CTNNA3: variants seen among roughly 807,000 people sequenced by gnomAD.
CTNNA3 encodes the protein catenin alpha-3.
In CTNNA3, 76 loss-of-function variants were observed where a neutral mutation model predicts 95.7. The observed-to-expected ratio is 0.79, with a 90% confidence interval of 0.66 to 0.96. The LOEUF is 0.96. Ranked by LOEUF, CTNNA3 falls within the 40% of genes least tolerant of loss-of-function variation. The pLI, the probability that CTNNA3 is intolerant of heterozygous loss-of-function variation, is 0.00. For synonymous variants in CTNNA3, 431 were observed against 374.4 expected (o/e 1.15, Z -1.74); for missense variants, 1,191 against 1,089.8 (o/e 1.09, Z -1.31).
At chr10:66,365,473 C>G (rs377459175) in intron 12 of CTNNA3, among the ~76,000 whole-genome samples, 2 of 151,992 alleles carry the variant, frequency 1.3e-5, no homozygotes, top group Non-Finnish European at 2.9e-5. Context: ...CACCAGGGCA[C>G]GCGTATACCT....
intron 5 of CTNNA3, among the ~76,000 whole-genome samples, chr10:67,358,616 C>A (rs1184056070): frequency 6.6e-6 from 1 of 152,048 alleles, no homozygotes; most frequent in Non-Finnish European, 1.5e-5. Flanking sequence ...TACAAGGATA[C>A]CCTGCCCAGG....
chr10:67,150,938 A>G lies in CTNNA3; in HGVS notation c.1047+29379T>C, dbSNP rs1398070564. ...TCCTTTCTTTTAAGTTCATAAATGGATAGTAAGAGGTATGTCCCCACCCTG... is the reference window on the plus strand; with the variant it reads ...TCCTTTCTTTTAAGTTCATAAATGGGTAGTAAGAGGTATGTCCCCACCCTG... On this transcript the variant is annotated intron_variant, in intron 7 of 17. Transcript: ENST00000433211. 3.9e-5 allele frequency among the ~76,000 whole-genome samples: 6 copies of G among 152,164 alleles called. No homozygotes were observed. The East Asian group carries it at 1.2e-3, about 29-fold the overall frequency.
At chr10:67,333,700 A>G (rs1215712615) in intron 5 of CTNNA3, among the ~76,000 whole-genome samples, 1 of 152,178 alleles carries the variant, frequency 6.6e-6, no homozygotes, top group East Asian at 1.9e-4. Context: ...CATTGAAACT[A>G]AAATCTGGGA....
intron 17 of CTNNA3, among the ~76,000 whole-genome samples, chr10:65,930,568 C>A (rs2077237170): frequency 6.6e-6 from 1 of 152,092 alleles, no homozygotes; most frequent in Non-Finnish European, 1.5e-5. Flanking sequence ...GCATGCATAT[C>A]CCCTCATTTT....
At chr10:66,192,483 T>C (rs1051988545) in intron 13 of CTNNA3, among the ~76,000 whole-genome samples, 5 of 152,150 alleles carry the variant, frequency 3.3e-5, no homozygotes, top group African/African-American at 1.2e-4. Context: ...ATAAGTGAAC[T>C]CCACAAGTTC....
At chr10:67,621,990 A>C (rs2133413642) in intron 2 of CTNNA3, among the ~76,000 whole-genome samples, 1 of 152,304 alleles carries the variant, frequency 6.6e-6, no homozygotes, top group Non-Finnish European at 1.5e-5. Flanking sequence ...CCAAAACTGA[A>C]ACTATTTACT....
chr10:66,767,172 G>A lies in CTNNA3; in HGVS notation c.1129-756C>T, dbSNP rs528818844. Among the ~76,000 whole-genome samples the A allele has an allele frequency of 8.4e-4, 128 of 151,998 alleles. 1 individual carries two copies. The highest frequency in any genetic ancestry group is 2.8e-3 in the African/African-American group (115 of 41,522). On this transcript the variant is annotated intron_variant, in intron 8 of 17. Coordinates refer to ENST00000433211, the MANE Select transcript of CTNNA3 (RefSeq NM_013266.4). The stretch of plus-strand genomic sequence containing the variant: ...TTTAAAGATCATAATATCGGGCCAG[G>A]CACAGTGGCTCATGCCTGTAATCCC...
At chr10:67,032,776 T>C (rs1853812743) in intron 7 of CTNNA3, among the ~76,000 whole-genome samples, 1 of 152,172 alleles carries the variant, frequency 6.6e-6, no homozygotes, top group Non-Finnish European at 1.5e-5. Flanking sequence ...CAATTTTCCT[T>C]TTTTTATGTG....
At position 66,766,362 on chromosome 10, in the gene CTNNA3, G is replaced by A; in HGVS notation, c.1183C>T (p.Pro395Ser). Residue 395 changes from proline (P) to serine (S), a missense_variant, in exon 9 of 18, where the codon CCT becomes TCT. By Grantham distance (74) the Pro-to-Ser change is moderately conservative (BLOSUM62 -1). Coordinates refer to ENST00000433211, the MANE Select transcript of CTNNA3 (RefSeq NM_013266.4). ...GCAGCTTCAATGAGAACCAAAAGAG[G>A]GACTGTCGTATCCAGGAAAGAGTCT... ...VSDSFLDTTVPLLVLIEAAKN... is the reference protein window; with the variant it reads ...VSDSFLDTTVSLLVLIEAAKN... The A allele has an allele frequency of 6.2e-7, 1 of 1,613,488 alleles. No homozygotes were observed. The highest frequency in any genetic ancestry group is 8.5e-7 in the Non-Finnish European group (1 of 1,179,616).
intron 13 of CTNNA3, among the ~76,000 whole-genome samples, chr10:66,201,975 C>G (rs149977894): frequency 6.6e-6 from 1 of 151,434 alleles, no homozygotes; most frequent in Non-Finnish European, 1.5e-5. Context: ...TTAGTAGAGA[C>G]GGGGTTTCAC....
intron 7 of CTNNA3, among the ~76,000 whole-genome samples, chr10:66,982,494 T>G (rs1412263436): frequency 6.6e-6 from 1 of 152,202 alleles, no homozygotes; most frequent in Non-Finnish European, 1.5e-5. Context: ...GTTTGGTGTA[T>G]AGCAGTTACT....
chr10:66,131,569 CA>C (rs958790917), intron 13 of CTNNA3, among the ~76,000 whole-genome samples: 2 of 151,632 alleles, frequency 1.3e-5, no homozygotes, highest in Admixed American at 6.6e-5. Context: ...CATATGGAAC[CA>C]AAAAAAGGCC....
intron 17 of CTNNA3, among the ~76,000 whole-genome samples, chr10:65,933,966 G>A (rs2077294943): frequency 6.6e-6 from 1 of 152,116 alleles, no homozygotes; most frequent in Admixed American, 6.6e-5. Context: ...AGAATGCTCA[G>A]TCTCTTACTT....
intron 5 of CTNNA3, among the ~76,000 whole-genome samples, chr10:67,511,481 A>T (rs1839626935): frequency 6.6e-6 from 1 of 152,136 alleles, no homozygotes; most frequent in South Asian, 2.1e-4. Context: ...GGTTCTGTTT[A>T]TGTGATGGAT....
intron 7 of CTNNA3, among the ~76,000 whole-genome samples, chr10:66,809,153 A>G (rs1841776943): frequency 6.6e-6 from 1 of 152,134 alleles, no homozygotes; most frequent in Non-Finnish European, 1.5e-5. Flanking sequence ...TGTTCTCTAT[A>G]TGAACTTTAA....
At chr10:66,251,799 A>C (rs1911474) in intron 13 of CTNNA3, among the ~76,000 whole-genome samples, 120,489 of 152,066 alleles carry the variant, frequency 0.79, 48,498 homozygotes, top group South Asian at 0.94. Flanking sequence ...TAAGTATTTA[A>C]TTTGTGCCAG....
intron 17 of CTNNA3, among the ~76,000 whole-genome samples, chr10:65,942,188 C>T (rs1327521909): frequency 2.0e-5 from 3 of 152,128 alleles, no homozygotes; most frequent in Admixed American, 1.3e-4. Flanking sequence ...AAGGTAGGCT[C>T]TCTTGTGATG....
intron 7 of CTNNA3, among the ~76,000 whole-genome samples, chr10:67,125,803 T>G (rs1419262696): frequency 1.3e-5 from 2 of 152,204 alleles, no homozygotes; most frequent in Non-Finnish European, 2.9e-5. Flanking sequence ...CAAGTAGCCC[T>G]GTTGAGGGTG....
intron 7 of CTNNA3, among the ~76,000 whole-genome samples, chr10:67,103,104 A>G (rs750976139): frequency 1.3e-5 from 2 of 151,994 alleles, no homozygotes; most frequent in Non-Finnish European, 2.9e-5. Context: ...GGATCCCAAA[A>G]TATGCATTAA....
Sources: gnomAD v4.1 joint callset for allele counts (sites outside exome capture counted in the v4.1 genomes callset) on GRCh38, gnomAD v4.1.1 for gene constraint, MANE v1.5 for transcripts, NCBI Gene and HGNC (gene_info 2026-07-23, HGNC 2026-07-21) for gene names.